The following HMGCLL1 variants were observed in gnomAD, a reference collection of about 807,000 sequenced individuals.
The protein encoded by HMGCLL1 is 3-hydroxy-3-methylglutaryl-CoA lyase like 1, also known as 3-hydroxymethyl-3-methylglutaryl-CoA lyase, cytoplasmic.
A neutral mutation model predicts 39.1 loss-of-function variants in HMGCLL1; 36 were observed. That is an observed-to-expected ratio of 0.92 (90% CI 0.71 to 1.22). The LOEUF (loss-of-function observed/expected upper bound fraction) is 1.22, where lower values mean the gene tolerates loss of function less well. HMGCLL1 is among the 50% of genes most tolerant of loss of function. The pLI, the probability that HMGCLL1 is intolerant of heterozygous loss-of-function variation, is 0.00. For missense variants in HMGCLL1, 451 were observed against 416.5 expected (o/e 1.08, Z -0.72); for synonymous variants, 149 against 144.0 (o/e 1.03, Z -0.25).
At chr6:55,465,806 A>C (rs1232272191) in intron 7 of HMGCLL1, among the ~76,000 whole-genome samples, 1 of 152,136 alleles carries the variant, frequency 6.6e-6, no homozygotes, top group East Asian at 1.9e-4. Context: ...TTGGTAATGT[A>C]ATCATTCTTA....
chr6:55,662,543 T>C, the HMGCLL1 span, among the ~76,000 whole-genome samples: 1 of 152,006 alleles, frequency 6.6e-6, no homozygotes, highest in African/African-American at 2.4e-5. Flanking sequence ...TATTTGATCA[T>C]GGTGGAGTAG....
At chr6:55,435,970 A>G (rs1236382905) in intron 8 of HMGCLL1, among the ~76,000 whole-genome samples, 1 of 152,026 alleles carries the variant, frequency 6.6e-6, no homozygotes, top group Non-Finnish European at 1.5e-5. Flanking sequence ...ATTACAGCAT[A>G]TCTTTAATCT....
chr6:55,660,079 T>C, the HMGCLL1 span, among the ~76,000 whole-genome samples: 1 of 151,582 alleles, frequency 6.6e-6, no homozygotes, highest in Admixed American at 6.6e-5. Flanking sequence ...AGGGAGGGAG[T>C]CAACTCAATA....
chr6:55,500,065 T>C (rs189893877), intron 5 of HMGCLL1, among the ~76,000 whole-genome samples: 28 of 152,172 alleles, frequency 1.8e-4, no homozygotes, highest in Admixed American at 1.4e-3. Context: ...TTACAATTCT[T>C]GTATTGAAAT....
chr6:55,439,497 AC>A lies in HMGCLL1; in HGVS notation c.857del (p.Gly286ValfsTer6). The A allele has an allele frequency of 6.2e-7, 1 of 1,612,968 alleles. No homozygotes were observed. Among genetic ancestry groups the A allele is most frequent in the Non-Finnish European group, 8.5e-7 (1 of 1,179,224 alleles). On this transcript the variant is annotated frameshift_variant, in exon 8 of 9. Transcript: ENST00000274901. LOFTEE classifies it high-confidence loss of function. ...SGLGGCPYAK[G>X]ASGNVATEDL... ...CCTCAGTGGCTACATTCCCAGAAGCACCTTTTGCATAAGGGCAGCCACCTAA... is the reference window on the plus strand; with the variant it reads ...CCTCAGTGGCTACATTCCCAGAAGCACTTTTGCATAAGGGCAGCCACCTAA...
intron 1 of HMGCLL1, among the ~76,000 whole-genome samples, chr6:55,547,451 T>A (rs979306822): frequency 2.0e-5 from 3 of 151,924 alleles, no homozygotes; most frequent in Admixed American, 6.6e-5. Flanking sequence ...AAGTACTGCT[T>A]TTTTTTCCCC....
chr6:55,447,509 G>A (rs902914896), intron 7 of HMGCLL1, among the ~76,000 whole-genome samples: 5 of 151,856 alleles, frequency 3.3e-5, no homozygotes, highest in African/African-American at 1.2e-4. Flanking sequence ...CCTTCAAAAG[G>A]AGATAGATTA....
chr6:55,579,644 A>C (rs1458603835), upstream of HMGCLL1, among the ~76,000 whole-genome samples: 1 of 152,206 alleles, frequency 6.6e-6, no homozygotes, highest in East Asian at 1.9e-4. Context: ...GAAAAGGAAA[A>C]GATAGTCTTA....
At chr6:55,517,345 A>G (rs1767793360) in intron 3 of HMGCLL1, among the ~76,000 whole-genome samples, 1 of 152,110 alleles carries the variant, frequency 6.6e-6, no homozygotes, top group Admixed American at 6.6e-5. Flanking sequence ...ATCAGATCCC[A>G]TAATCATCAC....
At chr6:55,662,433 G>C in the HMGCLL1 span, among the ~76,000 whole-genome samples, 1 of 151,756 alleles carries the variant, frequency 6.6e-6, no homozygotes, top group Non-Finnish European at 1.5e-5. Flanking sequence ...TAAGTCTCTT[G>C]AGATTATCAT....
the HMGCLL1 span, among the ~76,000 whole-genome samples, chr6:55,615,240 T>A: frequency 6.6e-6 from 1 of 151,948 alleles, no homozygotes; most frequent in East Asian, 1.9e-4. Context: ...CCTATAAAAA[T>A]TATGCTATGA....
chr6:55,628,673 C>T, the HMGCLL1 span, among the ~76,000 whole-genome samples: 1 of 151,980 alleles, frequency 6.6e-6, no homozygotes, highest in African/African-American at 2.4e-5. Flanking sequence ...TGTCCCCACC[C>T]AAATCTCATC....
chr6:55,461,541 A>G (rs758693771), intron 7 of HMGCLL1, among the ~76,000 whole-genome samples: 2 of 152,098 alleles, frequency 1.3e-5, no homozygotes, highest in South Asian at 4.1e-4. Context: ...AGGTAAGAAC[A>G]AGAATATAAC....
chr6:55,613,755 C>T, the HMGCLL1 span, among the ~76,000 whole-genome samples: 1 of 152,002 alleles, frequency 6.6e-6, no homozygotes, highest in African/African-American at 2.4e-5. Flanking sequence ...GGGAAGGTAA[C>T]AACACACACC....
At chr6:55,524,200 T>C (rs957119339) in intron 3 of HMGCLL1, among the ~76,000 whole-genome samples, 2 of 151,636 alleles carry the variant, frequency 1.3e-5, no homozygotes, top group African/African-American at 4.8e-5. Flanking sequence ...CTGTCTACAC[T>C]CTCCATAGAA....
chr6:55,453,823 CT>C (rs1246348301), intron 7 of HMGCLL1, among the ~76,000 whole-genome samples: 1 of 152,100 alleles, frequency 6.6e-6, no homozygotes, highest in East Asian at 1.9e-4. Context: ...AAAATACTGT[CT>C]AAATGAATGA....
intron 7 of HMGCLL1, among the ~76,000 whole-genome samples, chr6:55,443,356 T>G (rs1220550756): frequency 1.3e-5 from 2 of 152,120 alleles, no homozygotes; most frequent in African/African-American, 2.4e-5. Context: ...CAGCCCGAAA[T>G]GTGGATGATT....
At chr6:55,539,949 GA>G (rs1769277103) in intron 3 of HMGCLL1, among the ~76,000 whole-genome samples, 2 of 27,280 alleles carry the variant, frequency 7.3e-5, no homozygotes, top group Non-Finnish European at 1.4e-4. Flanking sequence ...GAGAAGGAAG[GA>G]AGGAAGGAAG....
intron 8 of HMGCLL1, among the ~76,000 whole-genome samples, chr6:55,437,162 A>C (rs1454900478): frequency 6.6e-6 from 1 of 151,572 alleles, no homozygotes; most frequent in African/African-American, 2.4e-5. Context: ...CTACCATTTT[A>C]TTTAACCAGT....
Sources: allele counts gnomAD v4.1 joint callset (sites outside exome capture counted in the v4.1 genomes callset), GRCh38; gene constraint gnomAD v4.1.1; transcripts MANE v1.5; gene names NCBI Gene and HGNC (gene_info 2026-07-23, HGNC 2026-07-21).